The following ACSS2 variants were observed in gnomAD, a reference collection of about 807,000 sequenced individuals.
The protein encoded by ACSS2 is acetyl-coenzyme A synthetase, cytoplasmic.
A neutral mutation model predicts 90.6 loss-of-function variants in ACSS2; 58 were observed. The ratio of observed to expected loss-of-function variants is 0.64; its 90% CI spans 0.52 to 0.80. The LOEUF is 0.80. Ranked by LOEUF, ACSS2 falls within the 30% of genes least tolerant of loss-of-function variation. The pLI, the probability that ACSS2 is intolerant of heterozygous loss-of-function variation, is 0.00. For missense variants in ACSS2, 759 were observed against 912.0 expected (o/e 0.83, Z 2.16); for synonymous variants, 300 against 330.9 (o/e 0.91, Z 1.01).
chr20:34,913,739 C>T lies in ACSS2; in HGVS notation c.571-14C>T, dbSNP rs763366248. 2 of 1,613,334 alleles carry T rather than the reference C, an allele frequency of 1.2e-6. No homozygotes were observed. The highest frequency in any genetic ancestry group is 4.5e-5 in the East Asian group (2 of 44,878). ...GGCTTTCTTCTCTCCCTCAGACTTT[C>T]TTCCCTTCCCTAGTTTGCAGGCTTC... is the stretch of plus-strand genomic sequence containing the variant. On this transcript the variant is annotated splice_polypyrimidine_tract_variant and intron_variant, in intron 4 of 17. Coordinates refer to ENST00000360596, the MANE Select transcript of ACSS2 (RefSeq NM_018677.4).
At chr20:34,875,395 C>A (rs1352401480), upstream of ACSS2, among the ~76,000 whole-genome samples, 1 of 152,122 alleles carries the variant, frequency 6.6e-6, no homozygotes, top group Non-Finnish European at 1.5e-5. Context: ...ATGGTGAAAT[C>A]CCATCTCTAC....
chr20:34,902,638 T>C (rs1297766461), intron 2 of ACSS2, among the ~76,000 whole-genome samples: 1 of 152,134 alleles, frequency 6.6e-6, no homozygotes, highest in African/African-American at 2.4e-5. Flanking sequence ...TTTTCTTCTA[T>C]ATGCAGTGGA....
At chr20:34,878,631 A>C (rs1355383934) in intron 1 of ACSS2, among the ~76,000 whole-genome samples, 1 of 152,234 alleles carries the variant, frequency 6.6e-6, no homozygotes, top group Non-Finnish European at 1.5e-5. Flanking sequence ...TTGACTGCAG[A>C]ATCCATATCC....
chr20:34,898,331 A>G (rs926565426), intron 2 of ACSS2, among the ~76,000 whole-genome samples: 2 of 152,134 alleles, frequency 1.3e-5, no homozygotes, highest in East Asian at 3.9e-4. Context: ...CAGGGTGCCG[A>G]TTGGTGCGTT....
intron 1 of ACSS2, among the ~76,000 whole-genome samples, chr20:34,882,511 A>AC (rs2080091548): frequency 1.3e-5 from 2 of 150,602 alleles, no homozygotes; most frequent in Admixed American, 1.3e-4. Flanking sequence ...AGTCCCAGCT[A>AC]CTCGGGAGGC....
intron 2 of ACSS2, among the ~76,000 whole-genome samples, chr20:34,899,733 C>T (rs574359162): frequency 4.5e-4 from 69 of 152,154 alleles, no homozygotes; most frequent in African/African-American, 1.2e-3. Context: ...GTGATCCACC[C>T]GCCCCAGCCT....
intron 1 of ACSS2, among the ~76,000 whole-genome samples, chr20:34,877,358 C>T (rs2079941209): frequency 1.3e-5 from 2 of 152,054 alleles, no homozygotes; most frequent in Non-Finnish European, 2.9e-5. Flanking sequence ...ATGGAGTCCC[C>T]GATCTATTTT....
At chr20:34,889,955 T>C (rs2080293359) in intron 2 of ACSS2, among the ~76,000 whole-genome samples, 1 of 152,148 alleles carries the variant, frequency 6.6e-6, no homozygotes, top group South Asian at 2.1e-4. Flanking sequence ...TCTGGATACA[T>C]ATGGAAATGG....
chr20:34,887,526 G>A (rs2080225879), intron 2 of ACSS2, among the ~76,000 whole-genome samples: 1 of 152,198 alleles, frequency 6.6e-6, no homozygotes, highest in South Asian at 2.1e-4. Context: ...GATCACCTGA[G>A]GTCAGGAGTT....
chr20:34,901,248 C>A (rs895738779), intron 2 of ACSS2, among the ~76,000 whole-genome samples: 2 of 152,060 alleles, frequency 1.3e-5, no homozygotes, highest in African/African-American at 4.8e-5. Context: ...TTCTGGAATT[C>A]TTTCTTTTTC....
chr20:34,899,157 G>A (rs1218606389), intron 2 of ACSS2, among the ~76,000 whole-genome samples: 2 of 152,162 alleles, frequency 1.3e-5, no homozygotes, highest in Admixed American at 1.3e-4. Context: ...AGCTCCGTGC[G>A]CAGCCCCGGT....
chr20:34,899,734 G>T (rs991483671), intron 2 of ACSS2, among the ~76,000 whole-genome samples: 2 of 151,790 alleles, frequency 1.3e-5, no homozygotes, highest in East Asian at 3.9e-4. Flanking sequence ...TGATCCACCC[G>T]CCCCAGCCTC....
chr20:34,886,613 G>A (rs2080199090), intron 2 of ACSS2, among the ~76,000 whole-genome samples: 1 of 152,116 alleles, frequency 6.6e-6, no homozygotes, highest in South Asian at 2.1e-4. Flanking sequence ...GACAGAGCAA[G>A]ACTCTGTCTC....
At chr20:34,911,697 C>G (rs1385575667) in intron 2 of ACSS2, among the ~76,000 whole-genome samples, 6 of 152,152 alleles carry the variant, frequency 3.9e-5, no homozygotes, top group African/African-American at 1.2e-4. Flanking sequence ...ATTTATAATG[C>G]TTATCATAAT....
intron 2 of ACSS2, among the ~76,000 whole-genome samples, chr20:34,883,660 A>G (rs1038842997): frequency 2.0e-5 from 3 of 152,214 alleles, no homozygotes; most frequent in Non-Finnish European, 4.4e-5. Flanking sequence ...AGGTGAACAA[A>G]TGAAGCATTG....
At chr20:34,903,862 C>T (rs1331164424) in intron 2 of ACSS2, among the ~76,000 whole-genome samples, 2 of 119,038 alleles carry the variant, frequency 1.7e-5, no homozygotes, top group African/African-American at 6.6e-5. Context: ...CATAGTGAGA[C>T]ATTGTCTCAA....
chr20:34,875,169 C>T, upstream of ACSS2: 1 of 534,614 alleles, frequency 1.9e-6, no homozygotes, highest in South Asian at 1.4e-5. Context: ...TGCCTGACTT[C>T]TTTCTGGGGT....
chr20:34,880,184 T>A (rs927661086), intron 1 of ACSS2, among the ~76,000 whole-genome samples: 1 of 152,226 alleles, frequency 6.6e-6, no homozygotes, highest in Admixed American at 6.5e-5. Context: ...CTAATCACTT[T>A]TTTTCTTTGT....
At position 34,926,372 on chromosome 20, in the gene ACSS2, C is replaced by T. The variant is rs45543742; in HGVS notation, c.1903+91C>T. ...GTTGGGGAGGGGCTAGAGCAAGCTG[C>T]TCCCCAAACCACAAACAGATTCCAG... On this transcript the variant is annotated intron_variant, in intron 16 of 17. Transcript: ENST00000360596. 11,104 of 1,412,690 alleles carry T rather than the reference C, an allele frequency of 7.9e-3. 647 individuals carry two copies. The African/African-American group carries it at 0.13, about 17-fold the overall frequency. 87.5% of individuals were successfully genotyped at this position (1,412,690 alleles called of 1,614,324 possible).
Sources: allele counts gnomAD v4.1 joint callset (sites outside exome capture counted in the v4.1 genomes callset), GRCh38; gene constraint gnomAD v4.1.1; transcripts MANE v1.5; gene names NCBI Gene and HGNC (gene_info 2026-07-23, HGNC 2026-07-21).